CACNA2D3: variants seen among roughly 807,000 people sequenced by gnomAD.
The protein encoded by CACNA2D3 is voltage-dependent calcium channel subunit alpha-2/delta-3.
CACNA2D3 carries 60 observed loss-of-function variants against 160.6 expected under a neutral mutation model. That is an observed-to-expected ratio of 0.37 (90% confidence interval 0.30 to 0.46). CACNA2D3 has a LOEUF of 0.46. Among genes scored for constraint, CACNA2D3 ranks in the 20% least tolerant of loss-of-function variants. The pLI is 1.00. For missense variants in CACNA2D3, 1,205 were observed against 1,365.0 expected (o/e 0.88, Z 1.85); for synonymous variants, 558 against 492.9 (o/e 1.13, Z -1.75).
At chr3:54,551,087 C>T (rs1032300283) in intron 5 of CACNA2D3, among the ~76,000 whole-genome samples, 1 of 152,232 alleles carries the variant, frequency 6.6e-6, no homozygotes. Context: ...AGACTGCAGA[C>T]CCAGGTCTGC....
chr3:54,503,924 T>C (rs1380285006), intron 5 of CACNA2D3, among the ~76,000 whole-genome samples: 1 of 152,136 alleles, frequency 6.6e-6, no homozygotes, highest in Non-Finnish European at 1.5e-5. Flanking sequence ...AAGGACCAGA[T>C]AGTAAATATC....
intron 29 of CACNA2D3, among the ~76,000 whole-genome samples, chr3:54,983,667 T>A (rs1702553704): frequency 6.6e-6 from 1 of 152,232 alleles, no homozygotes; most frequent in African/African-American, 2.4e-5. Flanking sequence ...AACTCACTGC[T>A]GCCCTTTTGT....
At chr3:54,708,323 C>G (rs1406215019) in intron 11 of CACNA2D3, among the ~76,000 whole-genome samples, 1 of 152,102 alleles carries the variant, frequency 6.6e-6, no homozygotes, top group Non-Finnish European at 1.5e-5. Flanking sequence ...GTTTTGCCTG[C>G]ATGTTCTAAT....
At chr3:54,846,612 A>G (rs1431029278) in intron 17 of CACNA2D3, 145 bp downstream of exon 17, 1 of 556,368 alleles carries the variant, frequency 1.8e-6, no homozygotes, top group Non-Finnish European at 3.2e-6. Context: ...TATAGAGTTT[A>G]TAAACTGGTA....
intron 31 of CACNA2D3, among the ~76,000 whole-genome samples, chr3:54,988,091 G>A (rs1702657201): frequency 6.6e-6 from 1 of 152,170 alleles, no homozygotes; most frequent in South Asian, 2.1e-4. Flanking sequence ...CCGGAAGGGT[G>A]GAGTGTATTT....
chr3:54,852,025 T>C (rs562800218), intron 17 of CACNA2D3, among the ~76,000 whole-genome samples: 1 of 152,178 alleles, frequency 6.6e-6, no homozygotes, highest in South Asian at 2.1e-4. Context: ...GACCTCCTCT[T>C]TCCTTAAAGT....
chr3:54,632,265 C>T (rs1051204652), intron 10 of CACNA2D3: 2 of 152,180 alleles, frequency 1.3e-5, no homozygotes, highest in African/African-American at 4.8e-5. Flanking sequence ...TATTCTAGTC[C>T]ACATTATTCA....
intron 9 of CACNA2D3, among the ~76,000 whole-genome samples, chr3:54,591,567 GTTTTT>G (rs397755008): frequency 1.2e-4 from 14 of 121,356 alleles, no homozygotes; most frequent in African/African-American, 2.8e-4. Context: ...GTTGAAAAAA[GTTTTT>G]TTTTTTTTTT....
chr3:54,793,154 T>C (rs375076005), intron 13 of CACNA2D3, among the ~76,000 whole-genome samples: 1 of 152,042 alleles, frequency 6.6e-6, no homozygotes, highest in East Asian at 1.9e-4. Context: ...TGACAGAAAA[T>C]AGAAAATGCC....
intron 11 of CACNA2D3, among the ~76,000 whole-genome samples, chr3:54,659,402 A>G (rs538417400): frequency 6.6e-6 from 1 of 152,316 alleles, no homozygotes; most frequent in African/African-American, 2.4e-5. Context: ...AGATATTTAT[A>G]GTATATCCCT....
chr3:54,804,006 G>A (rs1423540225), intron 13 of CACNA2D3, among the ~76,000 whole-genome samples: 2 of 152,036 alleles, frequency 1.3e-5, no homozygotes, highest in East Asian at 3.9e-4. Flanking sequence ...AGCAAATGCT[G>A]AGAGATTTTG....
intron 4 of CACNA2D3, among the ~76,000 whole-genome samples, chr3:54,473,095 A>G (rs549812597): frequency 5.9e-5 from 9 of 152,352 alleles, no homozygotes; most frequent in African/African-American, 1.7e-4. Context: ...AGCAAAAAGA[A>G]TAAAGCTGGA....
At chr3:54,336,779 C>A (rs1704390462) in intron 3 of CACNA2D3, among the ~76,000 whole-genome samples, 1 of 152,052 alleles carries the variant, frequency 6.6e-6, no homozygotes, top group Admixed American at 6.5e-5. Context: ...ACATAGCAAC[C>A]CACACTGATC....
Position 54,814,169 on chromosome 3 carries a change from G to T in CACNA2D3, c.1381-2684G>T, listed in dbSNP as rs556806858. On this transcript the variant is annotated intron_variant, in intron 13 of 37. Transcript: ENST00000474759. ...CAGGTGTGAGCCACTGCACCTGGCT[G>T]GTCATAAAATTCTTTCCAGTGAAAC... is the stretch of plus-strand genomic sequence containing the variant. Among the ~76,000 whole-genome samples the T allele has an allele frequency of 6.6e-5, 10 of 152,204 alleles. No individual in the cohort carries two copies. The South Asian group carries it at 2.1e-3, about 32-fold the overall frequency.
At chr3:54,981,859 A>G (rs994243007) in intron 29 of CACNA2D3, among the ~76,000 whole-genome samples, 1 of 152,226 alleles carries the variant, frequency 6.6e-6, no homozygotes, top group Non-Finnish European at 1.5e-5. Flanking sequence ...AGGAGTTTCA[A>G]CTTGTTGCCT....
At chr3:54,353,000 G>A (rs1698590960) in intron 3 of CACNA2D3, among the ~76,000 whole-genome samples, 1 of 152,162 alleles carries the variant, frequency 6.6e-6, no homozygotes. Context: ...TATCCATTGA[G>A]TTGCAGACAA....
At chr3:54,277,409 G>C (rs1252612677) in intron 2 of CACNA2D3, among the ~76,000 whole-genome samples, 2 of 152,068 alleles carry the variant, frequency 1.3e-5, no homozygotes, top group South Asian at 2.1e-4. Flanking sequence ...GCTTGTTTTT[G>C]TCAGGTTTAT....
intron 4 of CACNA2D3, among the ~76,000 whole-genome samples, chr3:54,429,868 T>A (rs558084584): frequency 6.6e-6 from 1 of 152,294 alleles, no homozygotes; most frequent in Non-Finnish European, 1.5e-5. Context: ...CTGCAGAAAA[T>A]TTAACATCCG....
Position 54,234,458 on chromosome 3 carries a change from A to G in CACNA2D3, c.205-85984A>G, listed in dbSNP as rs553020478. 1.1e-3 allele frequency among the ~76,000 whole-genome samples: 171 copies of G among 152,336 alleles called. 1 individual carries two copies. The highest frequency in any genetic ancestry group is 2.1e-3 in the Non-Finnish European group (140 of 68,032). Reference sequence around the variant, plus strand: ...GTGGAAAGCAGTATGGCAATTCCTCAAAGAGCTAAAAACAGAACTGCCATT... The same window carrying G: ...GTGGAAAGCAGTATGGCAATTCCTCGAAGAGCTAAAAACAGAACTGCCATT... On this transcript the variant is annotated intron_variant, in intron 2 of 37. Transcript: ENST00000474759.
Sources: allele counts gnomAD v4.1 joint callset (sites outside exome capture counted in the v4.1 genomes callset), GRCh38; gene constraint gnomAD v4.1.1; transcripts MANE v1.5; gene names NCBI Gene and HGNC (gene_info 2026-07-23, HGNC 2026-07-21).